Variants in ABCA4 observed in about 807,000 individuals in gnomAD.
ABCA4 encodes the protein retinal-specific phospholipid-transporting ATPase ABCA4.
Under a neutral mutation model 263.7 loss-of-function variants are expected in ABCA4, and 196 were observed. That is an observed-to-expected ratio of 0.74 (90% CI 0.66 to 0.84). The LOEUF (loss-of-function observed/expected upper bound fraction) is 0.84. Among genes scored for constraint, ABCA4 ranks in the 40% least tolerant of loss-of-function variants. The pLI is 0.00. For missense variants in ABCA4, 2,792 were observed against 2,855.1 expected (o/e 0.98, Z 0.50); for synonymous variants, 1,133 against 1,094.2 (o/e 1.04, Z -0.70).
chr1:93,997,810 G>T (rs7518454), intron 48 of ABCA4, 51 bp downstream of exon 48: 1 of 1,611,742 alleles, frequency 6.2e-7, no homozygotes, highest in East Asian at 2.2e-5. Context: ...CCCACACTGG[G>T]TGTTCTGGAC....
intron 34 of ABCA4, 44 bp downstream of exon 34, chr1:94,021,596 G>C: frequency 6.4e-7 from 1 of 1,558,056 alleles, no homozygotes; most frequent in Non-Finnish European, 8.8e-7. Context: ...AACCAGCTCA[G>C]GTAAATTTTT....
chr1:94,120,887 G>GCC, intron 1 of ABCA4, 93 bp downstream of exon 1: 4 of 339,360 alleles, frequency 1.2e-5, no homozygotes, highest in South Asian at 6.0e-5. Context: ...CCCCCACCCT[G>GCC]CCCCACCACC....
intron 16 of ABCA4, among the ~76,000 whole-genome samples, chr1:94,054,188 T>C (rs527575510): frequency 6.6e-6 from 1 of 152,354 alleles, no homozygotes; most frequent in African/African-American, 2.4e-5. Flanking sequence ...TACAGATTAC[T>C]TAGATATTTA....
In ABCA4 at chr1:94,011,264, A is replaced by C; in HGVS notation, c.5582T>G (p.Phe1861Cys). 1 of 1,613,894 alleles carries C rather than the reference A, an allele frequency of 6.2e-7. No homozygotes were observed. Among genetic ancestry groups the C allele is most frequent in the East Asian group, 2.2e-5 (1 of 44,826 alleles). The change falls in exon 39 of 50, where the codon TTT (phenylalanine) becomes TGT (cysteine). Residue 1861 changes from phenylalanine to cysteine, a missense_variant and splice_region_variant. Coordinates refer to ENST00000370225, the MANE Select transcript of ABCA4 (RefSeq NM_000350.3). The part of the protein sequence containing the change: ...SQAVTDVYAR[F>C]GEEHSANPFH... ...CATGGGCCTCGGCTACCACCCACCA[A>C]ACCGGGCATAGACATCTGTCACAGC...
chr1:94,001,138 C>T (rs1199746520), intron 45 of ABCA4, 33 bp from the exon 46 acceptor site: 1 of 1,565,760 alleles, frequency 6.4e-7, no homozygotes, highest in Non-Finnish European at 8.8e-7. Context: ...GGGGCACAGG[C>T]TGGGAGCTGG....
chr1:94,098,411 T>C (rs1424534169), intron 6 of ABCA4, among the ~76,000 whole-genome samples: 1 of 152,214 alleles, frequency 6.6e-6, no homozygotes, highest in Non-Finnish European at 1.5e-5. Flanking sequence ...ATTTGTTTTA[T>C]AGATGAGTAC....
intron 16 of ABCA4, among the ~76,000 whole-genome samples, chr1:94,053,389 A>AAAC (rs985206583): frequency 2.0e-5 from 3 of 152,168 alleles, no homozygotes; most frequent in African/African-American, 4.8e-5. Context: ...GTTGGTGCCA[A>AAAC]AACAACAACA....
chr1:94,066,032 G>A (rs1455131306), intron 11 of ABCA4, among the ~76,000 whole-genome samples: 1 of 152,188 alleles, frequency 6.6e-6, no homozygotes, highest in African/African-American at 2.4e-5. Flanking sequence ...GACTTAAACA[G>A]GTCACACACC....
chr1:94,078,127 T>C (rs550308290), intron 10 of ABCA4, among the ~76,000 whole-genome samples: 6 of 152,294 alleles, frequency 3.9e-5, no homozygotes, highest in East Asian at 1.9e-4. Context: ...ATGGGGGTCA[T>C]TGAATATGGT....
intron 32 of ABCA4, 56 bp from the exon 33 acceptor site, chr1:94,022,007 T>C (rs1659916241): frequency 7.7e-6 from 11 of 1,430,934 alleles, no homozygotes; most frequent in Non-Finnish European, 9.9e-6. Flanking sequence ...CGCCTACTAG[T>C]AGCTCTCTCG....
At chr1:94,004,423 C>A (rs1192751216) in intron 44 of ABCA4, among the ~76,000 whole-genome samples, 1 of 152,116 alleles carries the variant, frequency 6.6e-6, no homozygotes. Flanking sequence ...TTCAGAATCA[C>A]TTTGCCTATA....
intron 17 of ABCA4, among the ~76,000 whole-genome samples, chr1:94,050,963 G>T (rs919857913): frequency 6.6e-6 from 1 of 152,176 alleles, no homozygotes; most frequent in Non-Finnish European, 1.5e-5. Flanking sequence ...GAATTTCTTT[G>T]CTTTCTCAGA....
chr1:94,056,686 C>T lies in ABCA4; in HGVS notation c.2297G>A (p.Gly766Asp). Residue 766 changes from glycine to aspartate, a missense_variant, in exon 15 of 50, where the codon GGT becomes GAT. By Grantham distance (94) the Gly-to-Asp change is moderately conservative. Transcript: ENST00000370225. ...CAGGTAGAGGGTGAAATAGATGACA[C>T]CACTACAGGCTGCTGCCAGACTGGC... is the stretch of plus-strand genomic sequence containing the variant. ...SKASLAAACS[G>D]VIYFTLYLPH... is the part of the protein sequence containing the mutation. The T allele has an allele frequency of 3.1e-6, 5 of 1,614,182 alleles. No homozygotes were observed. The highest frequency in any genetic ancestry group is 4.2e-6 in the Non-Finnish European group (5 of 1,180,046).
chr1:94,036,936 C>A, intron 25 of ABCA4, 148 bp from the exon 26 acceptor site: 1 of 959,106 alleles, frequency 1.0e-6, no homozygotes, highest in Non-Finnish European at 1.6e-6. Flanking sequence ...TCTATAAATA[C>A]AAAAACGTAA....
chr1:94,096,495 A>G (rs534146249), intron 6 of ABCA4, among the ~76,000 whole-genome samples: 7 of 152,316 alleles, frequency 4.6e-5, no homozygotes, highest in Non-Finnish European at 1.0e-4. Flanking sequence ...GAGTGCCTGC[A>G]TACAGAAACC....
Position 94,077,827 on chromosome 1 carries a change from T to C in ABCA4, c.1417A>G (p.Ile473Val), listed in dbSNP as rs773943744. ...FLNRQLGEEG[I>V]TAEAILNFLY... is the part of the protein sequence containing the mutation. ...AAGTTTAGGATGGCTTCAGCAGTAATACCTTCTTCACCAAGCTGCCTATTC... is the reference window on the plus strand; with the variant it reads ...AAGTTTAGGATGGCTTCAGCAGTAACACCTTCTTCACCAAGCTGCCTATTC... The change falls in exon 11 of 50, where the codon ATT (isoleucine) becomes GTT (valine). Residue 473 changes from isoleucine (I) to valine (V), a missense_variant. Coordinates refer to ENST00000370225, the MANE Select transcript of ABCA4 (RefSeq NM_000350.3). 6.2e-7 allele frequency: 1 copy of C among 1,614,222 alleles called. No individual in the cohort carries two copies. The highest frequency in any genetic ancestry group is 8.5e-7 in the Non-Finnish European group (1 of 1,180,034).
chr1:94,043,224 G>T, intron 21 of ABCA4, 112 bp downstream of exon 21: 1 of 1,474,250 alleles, frequency 6.8e-7, no homozygotes, highest in Non-Finnish European at 9.3e-7. Context: ...ACTTCACAGA[G>T]GTGTTCCCAC....
chr1:94,045,944 GGA>G (rs1453870489), intron 19 of ABCA4: 1 of 456,160 alleles, frequency 2.2e-6, no homozygotes, highest in Non-Finnish European at 4.4e-6. Context: ...GTCCCTTGGA[GGA>G]GAGTGGGGCG....
intron 7 of ABCA4, 34 bp from the exon 8 acceptor site, chr1:94,080,752 G>A (rs918103121): frequency 1.2e-6 from 2 of 1,614,072 alleles, no homozygotes; most frequent in Non-Finnish European, 1.7e-6. Context: ...GTTATTTTAA[G>A]GCAGCTAGAG....
Sources: allele counts gnomAD v4.1 joint callset (sites outside exome capture counted in the v4.1 genomes callset), GRCh38; gene constraint gnomAD v4.1.1; transcripts MANE v1.5; gene names NCBI Gene and HGNC (gene_info 2026-07-23, HGNC 2026-07-21).